The following AP1B1 variants were observed in gnomAD, a reference collection of about 807,000 sequenced individuals.
The protein encoded by AP1B1 is AP-1 complex subunit beta-1.
Under a neutral mutation model 104.3 loss-of-function variants are expected in AP1B1, and 36 were observed. The ratio of observed to expected loss-of-function variants is 0.35; its 90% CI spans 0.26 to 0.46. The LOEUF is 0.46. Ranked by LOEUF, AP1B1 falls within the 20% of genes least tolerant of loss-of-function variation. The probability of loss-of-function intolerance (pLI) is 1.00; values close to 1 mark genes in which losing one functional copy is unlikely to be tolerated. For synonymous variants in AP1B1, 504 were observed against 517.5 expected (o/e 0.97, Z 0.35); for missense variants, 901 against 1,247.9 (o/e 0.72, Z 4.19).
intron 16 of AP1B1, among the ~76,000 whole-genome samples, chr22:29,337,000 A>G (rs6006097): frequency 0.034 from 5,122 of 152,076 alleles, 265 homozygotes; most frequent in African/African-American, 0.12. Flanking sequence ...GGTGAGTACG[A>G]GTTGGCCTCA....
rs776990644 is a variant in AP1B1, at chr22:29,330,734, G to A, written c.2525-25C>T. ...TCTGCGGGGTGAGCAGGGTGGGGAT[G>A]AGAGGCGAGCCCCTCATAAACCTGT... is the stretch of plus-strand genomic sequence containing the variant. On this transcript the variant is annotated intron_variant, in intron 19 of 22. Coordinates refer to ENST00000357586, the MANE Select transcript of AP1B1 (RefSeq NM_001127.4). 8.8e-6 allele frequency: 14 copies of A among 1,595,164 alleles called. No individual in the cohort carries two copies. In the South Asian group the frequency reaches 1.3e-4, roughly 15 times the overall value.
intron 1 of AP1B1, among the ~76,000 whole-genome samples, chr22:29,388,200 G>A (rs1477781046): frequency 1.3e-5 from 2 of 152,130 alleles, no homozygotes; most frequent in Admixed American, 6.5e-5. Context: ...GCCCCAGGAG[G>A]TGCTGCGGGT....
Position 29,337,305 on chromosome 22 carries a change from G to A in AP1B1, c.2163+1685C>T, listed in dbSNP as rs780612266. Among the ~76,000 whole-genome samples, 4 of 152,224 alleles carry A rather than the reference G, an allele frequency of 2.6e-5. No homozygotes were observed. In the South Asian group the frequency reaches 6.2e-4, roughly 24 times the overall value. ...CACAAAGGGCTGCTGGGAGGAGGAC[G>A]TGCTGGCGGTGGCTGTGGAATGCTG... On this transcript the variant is annotated intron_variant, in intron 16 of 22. Transcript: ENST00000357586.
chr22:29,387,078 G>C (rs925395926), intron 1 of AP1B1, among the ~76,000 whole-genome samples: 1 of 152,126 alleles, frequency 6.6e-6, no homozygotes, highest in African/African-American at 2.4e-5. Context: ...AGAAGTTCTC[G>C]ACAATCTTCA....
rs1287658728 is a variant in AP1B1, at chr22:29,345,225, A to AT, written c.1438-2843dup. ...AGGTATGTGCCACCACACCCAGTTC[A>AT]TTTTTTTTTTTTTATAGAGATGAGG... On this transcript the variant is annotated intron_variant, in intron 11 of 22. Transcript: ENST00000357586. 4.5e-3 allele frequency among the ~76,000 whole-genome samples: 602 copies of AT among 133,740 alleles called. 4 individuals carry two copies. Among genetic ancestry groups the AT allele is most frequent in the African/African-American group, 0.012 (418 of 35,994 alleles). 87.7% of individuals were successfully genotyped at this position (133,740 alleles called of 152,430 possible).
rs778811143 is a variant in AP1B1, at chr22:29,341,742, G to A, written c.1555C>T (p.Leu519=). 5.0e-6 allele frequency: 8 copies of A among 1,611,118 alleles called. No individual in the cohort carries two copies. The African/African-American group carries it at 6.7e-5, about 13-fold the overall frequency. ...CAGTAGATGTAGCCACGGTCCCGCA[G>A]GTCTGGGTTATCTGAGTCCTTGTGG... ...LATQDSDNPD[L]RDRGYIYWRL... is the part of the protein sequence containing the mutation. Residue 519 remains leucine, a synonymous_variant, in exon 13 of 23, where the codon CTG becomes TTG. Transcript: ENST00000357586.
chr22:29,329,008 A>AGCCTGGCGGCAGCTGC, intron 22 of AP1B1, 113 bp from the exon 23 acceptor site: 1 of 1,499,642 alleles, frequency 6.7e-7, no homozygotes. Flanking sequence ...GAGTGCACAC[A>AGCCTGGCGGCAGCTGC]GCCTGGCGGC....
intron 1 of AP1B1, among the ~76,000 whole-genome samples, chr22:29,375,733 C>T (rs990421230): frequency 6.6e-6 from 1 of 152,222 alleles, no homozygotes; most frequent in Non-Finnish European, 1.5e-5. Flanking sequence ...CATCTCTGGG[C>T]CTGCCTTTCT....
intron 9 of AP1B1, 55 bp from the exon 10 acceptor site, chr22:29,350,205 G>A: frequency 2.1e-6 from 3 of 1,414,060 alleles, no homozygotes; most frequent in Non-Finnish European, 3.0e-6. Context: ...TTCCAGTAGA[G>A]CCTCTGATGT....
chr22:29,376,986 A>G (rs2062353428), intron 1 of AP1B1, among the ~76,000 whole-genome samples: 1 of 152,086 alleles, frequency 6.6e-6, no homozygotes, highest in East Asian at 1.9e-4. Context: ...ACTTGAGGTC[A>G]GGAGATTGGG....
At position 29,363,030 on chromosome 22, in the gene AP1B1, A is replaced by T. The variant is rs1317564971; in HGVS notation, c.114T>A (p.Ile38=). ...EKKKEAVKKV[I]ASMTVGKDVS... ...CATCTTTGCCCACGGTCATCGATGCAATCACTTTCTTCACTGCCTCCTTCT... is the reference window on the plus strand; with the variant it reads ...CATCTTTGCCCACGGTCATCGATGCTATCACTTTCTTCACTGCCTCCTTCT... The change falls in exon 3 of 23, where the codon ATT becomes ATA. Residue 38 remains isoleucine, a synonymous_variant. Coordinates refer to ENST00000357586, the MANE Select transcript of AP1B1 (RefSeq NM_001127.4). 10 of 1,610,488 alleles carry T rather than the reference A, an allele frequency of 6.2e-6. No homozygotes were observed. Among genetic ancestry groups the T allele is most frequent in the Non-Finnish European group, 8.5e-6 (10 of 1,176,912 alleles).
intron 16 of AP1B1, among the ~76,000 whole-genome samples, chr22:29,334,883 G>A (rs2061615384): frequency 6.6e-6 from 1 of 152,220 alleles, no homozygotes; most frequent in Non-Finnish European, 1.5e-5. Context: ...GGCAGGGCTG[G>A]CCTTTGGCTG....
chr22:29,359,635 G>T, intron 4 of AP1B1, 189 bp downstream of exon 4: 1 of 654,220 alleles, frequency 1.5e-6, no homozygotes, highest in Non-Finnish European at 2.5e-6. Context: ...GTTACGCAGG[G>T]TCCTTAGCAT....
rs118017036 is a variant in AP1B1, at chr22:29,342,265, G to A, written c.1536+20C>T. On this transcript the variant is annotated intron_variant, in intron 12 of 22. Transcript: ENST00000357586. ...GAGTGAGGGCTATGCTGGGCACAGC[G>A]GGGAGGTTGGGGCACCCACCTGAGT... The A allele has an allele frequency of 6.8e-3, 10,824 of 1,598,446 alleles. 53 individuals are homozygous for A. The highest frequency in any genetic ancestry group is 8.6e-3 in the Non-Finnish European group (10,063 of 1,166,924).
chr22:29,337,105 C>T (rs572698778), intron 16 of AP1B1, among the ~76,000 whole-genome samples: 1 of 152,308 alleles, frequency 6.6e-6, no homozygotes, highest in African/African-American at 2.4e-5. Context: ...GGCCCTGACA[C>T]CCCACGCATG....
intron 2 of AP1B1, among the ~76,000 whole-genome samples, chr22:29,363,765 C>T (rs1480438541): frequency 6.6e-6 from 1 of 151,920 alleles, no homozygotes; most frequent in Non-Finnish European, 1.5e-5. Flanking sequence ...GGTGTGGTGG[C>T]ATGTGCCTGC....
At chr22:29,382,947 T>C (rs565367389) in intron 1 of AP1B1, among the ~76,000 whole-genome samples, 88 of 152,340 alleles carry the variant, frequency 5.8e-4, no homozygotes, top group African/African-American at 2.0e-3. Flanking sequence ...TATATTTTAA[T>C]AAGTTCTGGC....
At chr22:29,378,511 A>G (rs2062382135) in intron 1 of AP1B1, among the ~76,000 whole-genome samples, 1 of 140,666 alleles carries the variant, frequency 7.1e-6, no homozygotes, top group Non-Finnish European at 1.5e-5. Context: ...TGTGAATGTG[A>G]CACTGCACTC....
At chr22:29,359,501 C>T (rs764638300) in intron 4 of AP1B1, among the ~76,000 whole-genome samples, 46 of 152,254 alleles carry the variant, frequency 3.0e-4, no homozygotes, top group Non-Finnish European at 6.3e-4. Flanking sequence ...AAGCAGCAGT[C>T]TGTAAGGGCA....
Sources: gnomAD v4.1 joint callset for allele counts (sites outside exome capture counted in the v4.1 genomes callset) on GRCh38, gnomAD v4.1.1 for gene constraint, MANE v1.5 for transcripts, NCBI Gene and HGNC (gene_info 2026-07-23, HGNC 2026-07-21) for gene names.